The following RASAL2 variants were observed in gnomAD, a reference collection of about 807,000 sequenced individuals.
The protein encoded by RASAL2 is RAS protein activator like 2, also known as ras GTPase-activating protein nGAP.
A neutral mutation model predicts 128.9 loss-of-function variants in RASAL2; 58 were observed. The ratio of observed to expected loss-of-function variants is 0.45; its 90% CI spans 0.36 to 0.56. The LOEUF is 0.56. RASAL2 is among the 20% of genes least tolerant of loss of function. The pLI, the probability that RASAL2 is intolerant of heterozygous loss-of-function variation, is 0.00. For synonymous variants in RASAL2, 561 were observed against 580.8 expected, an observed-to-expected ratio of 0.97 and a Z score of 0.49; for missense variants, 1,360 against 1,601.6, an observed-to-expected ratio of 0.85 and a Z score of 2.57.
At chr1:178,213,304 A>G (rs1201842028) in intron 1 of RASAL2, among the ~76,000 whole-genome samples, 1 of 152,186 alleles carries the variant, frequency 6.6e-6, no homozygotes, top group Admixed American at 6.5e-5. Context: ...TCGGCTTCCC[A>G]AAGTGCAGGG....
chr1:178,198,064 G>T (rs1415658915), intron 1 of RASAL2, among the ~76,000 whole-genome samples: 2 of 152,210 alleles, frequency 1.3e-5, no homozygotes, highest in Non-Finnish European at 2.9e-5. Flanking sequence ...ATTCCATGGT[G>T]TATATGTGCC....
intron 1 of RASAL2, among the ~76,000 whole-genome samples, chr1:178,141,762 A>G (rs2101860225): frequency 6.6e-6 from 1 of 152,220 alleles, no homozygotes; most frequent in South Asian, 2.1e-4. Context: ...CTGGGGCTCC[A>G]TTTGAAGAAC....
At chr1:178,286,802 T>G (rs1394046183) in intron 2 of RASAL2, among the ~76,000 whole-genome samples, 5 of 152,240 alleles carry the variant, frequency 3.3e-5, no homozygotes, top group Non-Finnish European at 7.3e-5. Context: ...TTTTAATTTT[T>G]TACGATTCTG....
At chr1:178,356,911 A>G (rs974516243) in intron 3 of RASAL2, among the ~76,000 whole-genome samples, 3 of 152,138 alleles carry the variant, frequency 2.0e-5, no homozygotes, top group African/African-American at 7.2e-5. Context: ...CATCATATCT[A>G]TACTTGTTAT....
At chr1:178,271,034 A>G (rs1666225326) in intron 1 of RASAL2, among the ~76,000 whole-genome samples, 1 of 152,164 alleles carries the variant, frequency 6.6e-6, no homozygotes, top group Non-Finnish European at 1.5e-5. Flanking sequence ...TTACCCTCCC[A>G]GGAGAGCAAA....
At chr1:178,341,399 C>T (rs1669869940) in intron 3 of RASAL2, 7 of 1,373,832 alleles carry the variant, frequency 5.1e-6, no homozygotes, top group Middle Eastern at 2.7e-4. Context: ...GGATTGGGGG[C>T]GGGGTTGGGG....
chr1:178,263,449 G>C (rs2102142406), intron 1 of RASAL2, among the ~76,000 whole-genome samples: 1 of 152,276 alleles, frequency 6.6e-6, no homozygotes, highest in East Asian at 1.9e-4. Flanking sequence ...GCTGGCAAGT[G>C]ATAGGATGGG....
intron 3 of RASAL2, among the ~76,000 whole-genome samples, chr1:178,352,498 G>A (rs1312941309): frequency 1.3e-5 from 2 of 152,138 alleles, no homozygotes; most frequent in Non-Finnish European, 2.9e-5. Flanking sequence ...GTCAGCCCAT[G>A]TGCTGTTCTC....
chr1:178,415,350 T>C (rs1156616002), intron 4 of RASAL2, among the ~76,000 whole-genome samples: 1 of 152,154 alleles, frequency 6.6e-6, no homozygotes, highest in East Asian at 1.9e-4. Context: ...AAGTATGTTG[T>C]TTAATCCCCA....
chr1:178,175,966 C>A (rs1174936149), intron 1 of RASAL2, among the ~76,000 whole-genome samples: 1 of 152,046 alleles, frequency 6.6e-6, no homozygotes, highest in African/African-American at 2.4e-5. Context: ...TTGATGGGCA[C>A]TTAGGTTAGT....
At position 178,473,199 on chromosome 1, in the gene RASAL2, C is replaced by G. The variant is rs781508606; in HGVS notation, c.3803C>G (p.Ser1268Cys). The part of the protein sequence containing the change: ...GISPTNPTKL[S>C]ITENGEFKNS... Reference sequence around the variant, plus strand: ...TCCCCCACCAACCCCACCAAGCTTTCCATCACGGAGAATGGTGAATTCAAA... The same window carrying G: ...TCCCCCACCAACCCCACCAAGCTTTGCATCACGGAGAATGGTGAATTCAAA... The change falls in exon 18 of 18, where the codon TCC becomes TGC. Residue 1268 changes from serine (S) to cysteine (C), a missense_variant. By Grantham distance (112) the Ser-to-Cys change is moderately radical. Around this residue, in one of 3 missense-constraint regions of RASAL2, gnomAD observed 741 missense variants for 868.6 expected, o/e 0.85. Transcript: ENST00000367649. 1.2e-6 allele frequency: 2 copies of G among 1,614,188 alleles called. No homozygotes were observed. Among genetic ancestry groups the G allele is most frequent in the Non-Finnish European group, 1.7e-6 (2 of 1,180,038 alleles).
intron 1 of RASAL2, among the ~76,000 whole-genome samples, chr1:178,181,758 A>C (rs1571595115): frequency 6.8e-6 from 1 of 147,920 alleles, no homozygotes. Flanking sequence ...TTGTAAAAGT[A>C]CCTCAACTGG....
At chr1:178,421,684 T>C (rs1675152394) in intron 5 of RASAL2, among the ~76,000 whole-genome samples, 3 of 152,016 alleles carry the variant, frequency 2.0e-5, no homozygotes, top group Admixed American at 2.0e-4. Flanking sequence ...TTTTTTTCAC[T>C]TATCTACCTA....
At chr1:178,359,926 A>G (rs934437476) in intron 3 of RASAL2, among the ~76,000 whole-genome samples, 3 of 152,208 alleles carry the variant, frequency 2.0e-5, no homozygotes, top group Non-Finnish European at 4.4e-5. Context: ...TTTTTTTAAC[A>G]TATGGACTCA....
chr1:178,257,153 A>G (rs1257523892), intron 1 of RASAL2, among the ~76,000 whole-genome samples: 3 of 152,176 alleles, frequency 2.0e-5, no homozygotes, highest in Non-Finnish European at 2.9e-5. Flanking sequence ...AATGCACCCC[A>G]TGTTCATTGA....
chr1:178,262,163 T>G (rs1665728481), intron 1 of RASAL2, among the ~76,000 whole-genome samples: 1 of 151,050 alleles, frequency 6.6e-6, no homozygotes, highest in Non-Finnish European at 1.5e-5. Context: ...CAGTATCCTT[T>G]CTCTGCTGAA....
At chr1:178,410,265 G>A (rs1309320430) in intron 4 of RASAL2, among the ~76,000 whole-genome samples, 2 of 152,064 alleles carry the variant, frequency 1.3e-5, no homozygotes, top group South Asian at 2.1e-4. Flanking sequence ...CTGAGATGGA[G>A]GATCTCTGAA....
rs746537761 is a variant in RASAL2 at position 178,112,587 on chromosome 1, T to C, written c.202+17893T>C. Among the ~76,000 whole-genome samples, 53 of 151,390 alleles carry C rather than the reference T, an allele frequency of 3.5e-4. No homozygotes were observed. In the Middle Eastern group the frequency reaches 9.5e-3, roughly 27 times the overall value. ...AAAAGAAATCATGAAAAATGATGAG[T>C]TCATGTCCTTTGTAGGGACGTGGAT... On this transcript the variant is annotated intron_variant, in intron 1 of 17. Transcript: ENST00000367649.
At position 178,452,627 on chromosome 1, in the gene RASAL2, A is replaced by G; in HGVS notation, c.1984A>G (p.Ile662Val). ...SRTLTLIAKV[I>V]QNLANFAKFG... Reference sequence around the variant, plus strand: ...GACTCTAACTCTTATTGCCAAGGTCATTCAGAACCTGGCCAACTTTGCCAA... The same window carrying G: ...GACTCTAACTCTTATTGCCAAGGTCGTTCAGAACCTGGCCAACTTTGCCAA... The change falls in exon 11 of 18, where the codon ATT becomes GTT. Residue 662 changes from isoleucine (I) to valine (V), a missense_variant. Ile to Val is a conservative substitution (Grantham distance 29). This residue lies in a region of RASAL2 where 741 missense variants were observed against 868.6 expected (regional missense o/e 0.85). Transcript: ENST00000367649. 1.2e-6 allele frequency: 2 copies of G among 1,613,700 alleles called. No homozygotes were observed. Among genetic ancestry groups the G allele is most frequent in the Non-Finnish European group, 1.7e-6 (2 of 1,179,632 alleles).
Sources: gnomAD v4.1 joint callset for allele counts (sites outside exome capture counted in the v4.1 genomes callset) on GRCh38, gnomAD v4.1.1 for gene constraint, gnomAD v4.1.1 regional missense constraint, MANE v1.5 for transcripts, NCBI Gene and HGNC (gene_info 2026-07-23, HGNC 2026-07-21) for gene names.